Variants in LPXN observed in about 807,000 individuals in gnomAD.
LPXN encodes the protein leupaxin.
LPXN carries 28 observed loss-of-function variants against 45.6 expected under a neutral mutation model. The observed-to-expected ratio is 0.61, with a 90% CI of 0.45 to 0.84. The LOEUF (loss-of-function observed/expected upper bound fraction) is 0.84. Among genes scored for constraint, LPXN ranks in the 40% least tolerant of loss-of-function variants. LPXN has a pLI of 0.00. For missense variants in LPXN, 459 were observed against 475.0 expected (o/e 0.97, Z 0.31); for synonymous variants, 166 against 169.9 (o/e 0.98, Z 0.18).
chr11:58,559,821 A>T (rs904730711), intron 3 of LPXN, among the ~76,000 whole-genome samples: 6 of 152,232 alleles, frequency 3.9e-5, no homozygotes, highest in African/African-American at 1.4e-4. Flanking sequence ...GGCTGCAGTG[A>T]GCCAAGATAA....
intron 1 of LPXN, among the ~76,000 whole-genome samples, chr11:58,574,967 T>C (rs1854836043): frequency 6.6e-6 from 1 of 152,160 alleles, no homozygotes. Context: ...AGTTTGGAAA[T>C]TGGGTATAGT....
At chr11:58,573,017 G>A (rs1390225971) in intron 1 of LPXN, among the ~76,000 whole-genome samples, 3 of 152,086 alleles carry the variant, frequency 2.0e-5, no homozygotes, top group African/African-American at 7.2e-5. Flanking sequence ...AGGCCGAGGC[G>A]GGCGGATCGC....
At chr11:58,547,005 G>T (rs1853894545) in intron 7 of LPXN, among the ~76,000 whole-genome samples, 1 of 151,998 alleles carries the variant, frequency 6.6e-6, no homozygotes, top group African/African-American at 2.4e-5. Flanking sequence ...ATAACCTCAG[G>T]TTAAAAGAGG....
chr11:58,576,942 G>T (rs1325624581), upstream of LPXN, among the ~76,000 whole-genome samples: 1 of 152,108 alleles, frequency 6.6e-6, no homozygotes, highest in Non-Finnish European at 1.5e-5. Flanking sequence ...ACGCCACCAG[G>T]TTAGCTTAAA....
At chr11:58,570,078 T>C (rs1381944977) in intron 2 of LPXN, among the ~76,000 whole-genome samples, 1 of 151,948 alleles carries the variant, frequency 6.6e-6, no homozygotes, top group Admixed American at 6.6e-5. Flanking sequence ...CCAAGGCGGG[T>C]GAATCACCTC....
intron 2 of LPXN, 92 bp from the exon 3 acceptor site, chr11:58,564,293 T>C: frequency 1.2e-6 from 1 of 827,578 alleles, no homozygotes; most frequent in Non-Finnish European, 2.0e-6. Flanking sequence ...AATAGATGTT[T>C]GTAGCTTTTA....
intron 7 of LPXN, among the ~76,000 whole-genome samples, chr11:58,529,718 AAAAT>A (rs1280108185): frequency 6.6e-6 from 1 of 152,228 alleles, no homozygotes; most frequent in African/African-American, 2.4e-5. Flanking sequence ...CATGAGCAAT[AAAAT>A]AAATAATTTG....
At chr11:58,540,775 C>A (rs1184362368) in intron 7 of LPXN, among the ~76,000 whole-genome samples, 7 of 152,148 alleles carry the variant, frequency 4.6e-5, no homozygotes, top group African/African-American at 1.4e-4. Context: ...TCTTACTGAT[C>A]CCATGTCCAG....
At position 58,527,450 on chromosome 11, in the gene LPXN, G is replaced by C; in HGVS notation, c.*4C>G. ...AATCTGAAGAGGCTATGGATCAGTT[G>C]GCATTACAGTGGGAAGAGCTTATTG... On this transcript the variant is annotated 3_prime_UTR_variant, in exon 9 of 9. Transcript: ENST00000395074. The C allele has an allele frequency of 1.2e-6, 2 of 1,613,952 alleles. No homozygotes were observed. Among genetic ancestry groups the C allele is most frequent in the Non-Finnish European group, 1.7e-6 (2 of 1,179,866 alleles).
At chr11:58,560,608 G>A (rs1854344646) in intron 3 of LPXN, among the ~76,000 whole-genome samples, 1 of 152,090 alleles carries the variant, frequency 6.6e-6, no homozygotes, top group Admixed American at 6.5e-5. Flanking sequence ...ATGTCTGTCT[G>A]CACTATGCCT....
chr11:58,577,891 T>C, upstream of LPXN: 1 of 1,096,424 alleles, frequency 9.1e-7, no homozygotes, highest in South Asian at 1.6e-5. Flanking sequence ...TTATAATTCG[T>C]TTCACAGATT....
chr11:58,553,568 C>T (rs1051511550), intron 4 of LPXN, among the ~76,000 whole-genome samples: 1 of 152,168 alleles, frequency 6.6e-6, no homozygotes, highest in Non-Finnish European at 1.5e-5. Context: ...TTACTCATCT[C>T]TCTAATAAAT....
At chr11:58,539,915 G>A (rs1853663722) in intron 7 of LPXN, among the ~76,000 whole-genome samples, 2 of 152,222 alleles carry the variant, frequency 1.3e-5, no homozygotes, top group African/African-American at 4.8e-5. Flanking sequence ...TTAGGTAATT[G>A]TCATTAATGG....
chr11:58,569,392 G>A (rs1037180207), intron 2 of LPXN, among the ~76,000 whole-genome samples: 2 of 149,314 alleles, frequency 1.3e-5, no homozygotes, highest in Non-Finnish European at 3.0e-5. Flanking sequence ...TTTTTTTTTT[G>A]TTTGTTTGTT....
chr11:58,570,464 C>T (rs1854655480), intron 2 of LPXN, 92 bp downstream of exon 2: 1 of 942,434 alleles, frequency 1.1e-6, no homozygotes, highest in East Asian at 2.4e-5. Context: ...ATATATTATT[C>T]TCCTTTCATA....
chr11:58,573,273 A>G (rs1854769710), intron 1 of LPXN, among the ~76,000 whole-genome samples: 1 of 151,744 alleles, frequency 6.6e-6, no homozygotes, highest in Non-Finnish European at 1.5e-5. Context: ...AAAAGAAAAG[A>G]AAGAAAAAGA....
At chr11:58,569,586 C>T (rs1181385094) in intron 2 of LPXN, among the ~76,000 whole-genome samples, 3 of 151,974 alleles carry the variant, frequency 2.0e-5, no homozygotes, top group Non-Finnish European at 4.4e-5. Flanking sequence ...ATGGGGGTCT[C>T]ACCATATGGC....
At chr11:58,552,854 C>T (rs1288489002) in intron 4 of LPXN, among the ~76,000 whole-genome samples, 1 of 152,100 alleles carries the variant, frequency 6.6e-6, no homozygotes, top group Non-Finnish European at 1.5e-5. Flanking sequence ...ACATCTACAC[C>T]TACATCTCTA....
intron 7 of LPXN, among the ~76,000 whole-genome samples, chr11:58,546,625 A>G (rs1025848159): frequency 5.3e-5 from 8 of 152,228 alleles, no homozygotes; most frequent in African/African-American, 1.9e-4. Context: ...TGGCCAGAGT[A>G]TCTTACCTGA....
Sources: gnomAD v4.1 joint callset for allele counts (sites outside exome capture counted in the v4.1 genomes callset) on GRCh38, gnomAD v4.1.1 for gene constraint, MANE v1.5 for transcripts, NCBI Gene and HGNC (gene_info 2026-07-23, HGNC 2026-07-21) for gene names.